Variants in DMD observed in about 807,000 individuals in gnomAD.
The protein encoded by DMD is mutant dystrophin.
In DMD, 63 loss-of-function variants were observed where a neutral mutation model predicts 330.1. The ratio of observed to expected loss-of-function variants is 0.19; its 90% CI spans 0.16 to 0.24. The LOEUF (loss-of-function observed/expected upper bound fraction) is 0.24, where lower values mean the gene tolerates loss of function less well. Ranked by LOEUF, DMD falls within the 10% of genes least tolerant of loss-of-function variation. The probability of loss-of-function intolerance (pLI) is 1.00; values close to 1 mark genes in which losing one functional copy is unlikely to be tolerated. For missense variants in DMD, 3,344 were observed against 2,684.1 expected, an observed-to-expected ratio of 1.25 and a Z score of -5.43; for synonymous variants, 1,223 against 959.8, an observed-to-expected ratio of 1.27 and a Z score of -5.07.
Position 31,542,395 on chromosome X carries a change from G to A in DMD, c.8218-34942C>T, listed in dbSNP as rs779394070. On this transcript the variant is annotated intron_variant, in intron 55 of 78. Transcript: ENST00000357033. ...AGAATCTAGAACCTCTACCCTTTGA[G>A]TCATATGCACTCAAGCTGTACCACT... 7.1e-5 allele frequency among the ~76,000 whole-genome samples: 8 copies of A among 112,054 alleles called. No homozygotes were observed. In the South Asian group the frequency reaches 2.3e-3, roughly 32 times the overall value.
At chrX:31,817,688 TAGG>T (rs1028364246) in intron 50 of DMD, among the ~76,000 whole-genome samples, 1 of 111,389 alleles carries the variant, frequency 9.0e-6, no homozygotes, top group Admixed American at 9.5e-5. Context: ...GTGGAGGACA[TAGG>T]AGAAGACAAG....
intron 5 of DMD, among the ~76,000 whole-genome samples, chrX:32,819,004 TG>T (rs1279154597): frequency 2.7e-5 from 2 of 74,467 alleles, no homozygotes; most frequent in African/African-American, 1.3e-4. Flanking sequence ...CTTCTACAGG[TG>T]TTTTTTTTTT....
intron 7 of DMD, among the ~76,000 whole-genome samples, chrX:32,748,905 A>G (rs61144225): frequency 0.055 from 6,121 of 112,256 alleles, 377 homozygotes; most frequent in African/African-American, 0.19. Flanking sequence ...AGCATAAAAC[A>G]TAAGCACATT....
At chrX:32,580,678 T>C (rs755992295) in intron 13 of DMD, among the ~76,000 whole-genome samples, 1 of 112,158 alleles carries the variant, frequency 8.9e-6, no homozygotes, top group Non-Finnish European at 1.9e-5. Context: ...AATTTTAATA[T>C]AGAACACAGT....
intron 1 of DMD, among the ~76,000 whole-genome samples, chrX:33,239,536 G>A (rs189013621): frequency 9.1e-5 from 10 of 110,394 alleles, no homozygotes; most frequent in South Asian, 3.8e-4. Flanking sequence ...AATTCTGTTC[G>A]CCCTGATCAG....
At chrX:32,742,799 C>T (rs912884993) in intron 7 of DMD, among the ~76,000 whole-genome samples, 57 of 111,911 alleles carry the variant, frequency 5.1e-4, no homozygotes, top group African/African-American at 1.5e-3. Context: ...GTAATCTTTT[C>T]GAAATTTTCA....
At position 31,410,985 on chromosome X, in the gene DMD, C is replaced by T. The variant is rs777529675; in HGVS notation, c.9084+33496G>A. On this transcript the variant is annotated intron_variant, in intron 60 of 78. Coordinates refer to ENST00000357033, the MANE Select transcript of DMD (RefSeq NM_004006.3). ...GTCACCATGTTGCCCAGGCTGGTCT[C>T]GAACTCCTGACCTCAAGTGATCCCC... Among the ~76,000 whole-genome samples the T allele has an allele frequency of 2.5e-4, 25 of 98,168 alleles. No individual in the cohort carries two copies. In the South Asian group the frequency reaches 7.2e-3, roughly 28 times the overall value. The allele number at this position is 98,168 out of a possible 115,157, so 85.2% of individuals were successfully genotyped here.
intron 2 of DMD, among the ~76,000 whole-genome samples, chrX:32,875,646 T>G (rs924446467): frequency 8.9e-6 from 1 of 112,259 alleles, no homozygotes; most frequent in Non-Finnish European, 1.9e-5. Context: ...TCCACTGAAA[T>G]TGTTACTTTA....
intron 19 of DMD, among the ~76,000 whole-genome samples, chrX:32,498,187 A>G (rs747148653): frequency 1.8e-5 from 2 of 111,344 alleles, no homozygotes; most frequent in Non-Finnish European, 3.8e-5. Context: ...TCCAAAGCTT[A>G]CATATTGACG....
chrX:33,255,374 G>A (rs927879255), intron 1 of DMD, among the ~76,000 whole-genome samples: 1 of 110,866 alleles, frequency 9.0e-6, no homozygotes, highest in Admixed American at 9.7e-5. Context: ...GAATAACAAT[G>A]CTAAAGGAGA....
chrX:31,443,102 C>A (rs1016241306), intron 60 of DMD, among the ~76,000 whole-genome samples: 12 of 111,187 alleles, frequency 1.1e-4, no homozygotes, highest in African/African-American at 3.6e-4. Context: ...TAGTTTTAAA[C>A]CCAGTTTCCT....
chrX:32,614,730 C>A (rs933599873), intron 11 of DMD, among the ~76,000 whole-genome samples: 26 of 111,106 alleles, frequency 2.3e-4, no homozygotes, highest in Non-Finnish European at 2.8e-4. Flanking sequence ...TGATAATTGA[C>A]TAAGTAGTAT....
At chrX:32,071,479 AG>A (rs1234221124) in intron 44 of DMD, among the ~76,000 whole-genome samples, 1 of 83,386 alleles carries the variant, frequency 1.2e-5, no homozygotes, top group Non-Finnish European at 2.2e-5. Context: ...GGACACAGGA[AG>A]GGGAACATCA....
chrX:32,001,260 T>G (rs2095624934), intron 44 of DMD, among the ~76,000 whole-genome samples: 1 of 111,344 alleles, frequency 9.0e-6, no homozygotes, highest in Non-Finnish European at 1.9e-5. Flanking sequence ...TTTTTGTGCA[T>G]GTAAATTATA....
intron 37 of DMD, among the ~76,000 whole-genome samples, chrX:32,351,805 C>A (rs12008836): frequency 0.016 from 1,815 of 110,019 alleles, 33 homozygotes; most frequent in African/African-American, 0.057. Context: ...ATATTAACTG[C>A]TGCCCAAATG....
intron 13 of DMD, among the ~76,000 whole-genome samples, chrX:32,589,491 TAG>T (rs2054651260): frequency 9.0e-6 from 1 of 110,814 alleles, no homozygotes; most frequent in Non-Finnish European, 1.9e-5. Flanking sequence ...TGTATATATA[TAG>T]AAACATAAAG....
chrX:33,159,285 T>C (rs2148657528), intron 1 of DMD: 1 of 111,947 alleles, frequency 8.9e-6, no homozygotes, highest in African/African-American at 3.2e-5. Context: ...GTTGCAGACC[T>C]CAATTTTTTT....
At chrX:31,975,650 G>A (rs1265921259) in intron 44 of DMD, among the ~76,000 whole-genome samples, 1 of 111,633 alleles carries the variant, frequency 9.0e-6, no homozygotes, top group Admixed American at 9.5e-5. Flanking sequence ...GTTTCATCGT[G>A]GAACATATTG....
At chrX:31,403,715 T>C (rs1272558411) in intron 60 of DMD, among the ~76,000 whole-genome samples, 1 of 112,225 alleles carries the variant, frequency 8.9e-6, no homozygotes, top group Non-Finnish European at 1.9e-5. Context: ...AATGAGATCA[T>C]CTTTTGTGAT....
Sources: gnomAD v4.1 joint callset for allele counts (sites outside exome capture counted in the v4.1 genomes callset) on GRCh38, gnomAD v4.1.1 for gene constraint, MANE v1.5 for transcripts, NCBI Gene and HGNC (gene_info 2026-07-23, HGNC 2026-07-21) for gene names.